PDC: variants seen among roughly 807,000 people sequenced by gnomAD.
PDC encodes the protein phosducin, also known as 33 kDa phototransducing protein.
PDC carries 19 observed loss-of-function variants against 22.2 expected under a neutral mutation model. The observed-to-expected ratio is 0.86, with a 90% CI of 0.60 to 1.26. The LOEUF is 1.26. Among genes scored for constraint, PDC ranks in the 50% most tolerant of loss-of-function variants. PDC has a pLI of 0.00. For synonymous variants in PDC, 97 were observed against 96.2 expected (o/e 1.01, Z -0.05); for missense variants, 274 against 286.8 (o/e 0.96, Z 0.32).
In PDC at chr1:186,452,364, A is replaced by G. The variant is rs1571724178; in HGVS notation, c.-24-2881T>C. On this transcript the variant is annotated intron_variant, in intron 1 of 3. Coordinates refer to ENST00000391997, the MANE Select transcript of PDC (RefSeq NM_002597.5). ...AGAATTCTTGTGCCTCAGCCTTCCA[A>G]CTAGCTGGGATTACAGGCATGGGCC... 2.6e-5 allele frequency among the ~76,000 whole-genome samples: 4 copies of G among 152,016 alleles called. No individual in the cohort carries two copies. The South Asian group carries it at 8.3e-4, about 31-fold the overall frequency.
At chr1:186,446,023 T>C (rs1662220189) in intron 3 of PDC, among the ~76,000 whole-genome samples, 1 of 152,232 alleles carries the variant, frequency 6.6e-6, no homozygotes, top group African/African-American at 2.4e-5. Flanking sequence ...TTCCAAAGTT[T>C]AACCTTAGCA....
At chr1:186,454,689 C>T (rs1662421373) in intron 1 of PDC, among the ~76,000 whole-genome samples, 1 of 152,100 alleles carries the variant, frequency 6.6e-6, no homozygotes, top group Non-Finnish European at 1.5e-5. Flanking sequence ...TATAGAACTA[C>T]TCTTACATGT....
intron 2 of PDC, 97 bp from the exon 3 acceptor site, chr1:186,446,674 TA>T: frequency 1.5e-6 from 1 of 649,772 alleles, no homozygotes; most frequent in Non-Finnish European, 2.5e-6. Context: ...GGAATAAACT[TA>T]TTGTCTCCTG....
chr1:186,449,549 G>A (rs1662307502), intron 1 of PDC, 66 bp from the exon 2 acceptor site: 2 of 774,952 alleles, frequency 2.6e-6, no homozygotes, highest in African/African-American at 1.7e-5. Flanking sequence ...TATATATAGA[G>A]ATAAATATAT....
At chr1:186,456,324 T>A (rs1186786280) in intron 1 of PDC, among the ~76,000 whole-genome samples, 1 of 152,154 alleles carries the variant, frequency 6.6e-6, no homozygotes, top group Non-Finnish European at 1.5e-5. Flanking sequence ...TAACTGTTAC[T>A]ATCCCTAGCA....
At chr1:186,447,131 TAGAA>T (rs1219438328) in intron 2 of PDC, among the ~76,000 whole-genome samples, 3 of 150,670 alleles carry the variant, frequency 2.0e-5, no homozygotes, top group Non-Finnish European at 2.9e-5. Context: ...TTTGCAAACA[TAGAA>T]AGAATAGGAT....
At chr1:186,445,964 G>C (rs981412995) in intron 3 of PDC, among the ~76,000 whole-genome samples, 1 of 152,104 alleles carries the variant, frequency 6.6e-6, no homozygotes, top group African/African-American at 2.4e-5. Context: ...ATGAAAACTT[G>C]TTTCATTCAC....
Position 186,444,074 on chromosome 1 carries a change from C to T in PDC, c.646G>A (p.Asp216Asn), listed in dbSNP as rs1412641772. 8 of 1,613,548 alleles carry T rather than the reference C, an allele frequency of 5.0e-6. No homozygotes were observed. The highest frequency in any genetic ancestry group is 6.8e-6 in the Non-Finnish European group (8 of 1,179,654). ...EQFAEEFFAGDVESFLNEYGL... is the reference protein window; with the variant it reads ...EQFAEEFFAGNVESFLNEYGL... ...TATTCATTTAGGAAAGACTCCACATCCCCAGCAAAAAATTCTTCAGCAAAC... is the reference window on the plus strand; with the variant it reads ...TATTCATTTAGGAAAGACTCCACATTCCCAGCAAAAAATTCTTCAGCAAAC... The change falls in exon 4 of 4, where the codon GAT becomes AAT. Residue 216 changes from aspartate (D) to asparagine (N), a missense_variant. Transcript: ENST00000391997.
At chr1:186,458,795 T>C (rs1015769588) in intron 1 of PDC, among the ~76,000 whole-genome samples, 1 of 152,202 alleles carries the variant, frequency 6.6e-6, no homozygotes, top group African/African-American at 2.4e-5. Flanking sequence ...AGATGAAGAA[T>C]GGGAGTGTTA....
At chr1:186,448,537 T>G in intron 2 of PDC, 3 of 191,132 alleles carry the variant, frequency 1.6e-5, no homozygotes, top group African/African-American at 2.4e-5. Context: ...AGACAGCAGA[T>G]ATTTCCTTCC....
chr1:186,459,221 T>A (rs564914751), intron 1 of PDC, among the ~76,000 whole-genome samples: 1 of 152,124 alleles, frequency 6.6e-6, no homozygotes, highest in Non-Finnish European at 1.5e-5. Context: ...TTCCTCCTTT[T>A]CAGGCCCTAG....
chr1:186,453,226 C>T (rs559025085), intron 1 of PDC, among the ~76,000 whole-genome samples: 1 of 152,120 alleles, frequency 6.6e-6, no homozygotes, highest in South Asian at 2.1e-4. Flanking sequence ...TTAGTAATTA[C>T]CAAGAAATAA....
In PDC at chr1:186,443,988, A is replaced by G; in HGVS notation, c.732T>C (p.Asp244=). The part of the protein sequence containing the change: ...VLEHTKIEEE[D]VE ...TTGACATAGTGAATCTTCATTCAAC[A>G]TCTTCTTCTTCTATTTTGGTATGCT... The change falls in exon 4 of 4, where the codon GAT becomes GAC. Residue 244 remains aspartate, a synonymous_variant. Transcript: ENST00000391997. The G allele has an allele frequency of 6.2e-7, 1 of 1,601,598 alleles. No individual in the cohort carries two copies. The highest frequency in any genetic ancestry group is 8.5e-7 in the Non-Finnish European group (1 of 1,170,876).
At chr1:186,445,407 TTTAAG>T (rs1402340170) in intron 3 of PDC, among the ~76,000 whole-genome samples, 1 of 152,214 alleles carries the variant, frequency 6.6e-6, no homozygotes, top group East Asian at 1.9e-4. Flanking sequence ...GACACTGAGA[TTTAAG>T]TTAAGTAAAA....
At position 186,444,327 on chromosome 1, in the gene PDC, C is replaced by A. The variant is rs140036725; in HGVS notation, c.393G>T (p.Leu131=). 3.1e-6 allele frequency: 5 copies of A among 1,613,956 alleles called. No homozygotes were observed. The African/African-American group carries it at 6.7e-5, about 22-fold the overall frequency. ...TGTGAACAACAATTGTGGTGATCTT[C>A]AGTTCCTTTTCAATTGTTTCTAGGA... is the stretch of plus-strand genomic sequence containing the variant. The part of the protein sequence containing the change: ...KQFLETIEKE[L]KITTIVVHIY... Residue 131 remains leucine (L), a synonymous_variant, in exon 4 of 4, where the codon CTG becomes CTT. Coordinates refer to ENST00000391997, the MANE Select transcript of PDC (RefSeq NM_002597.5).
intron 1 of PDC, among the ~76,000 whole-genome samples, chr1:186,456,569 G>C (rs1662476729): frequency 6.6e-6 from 1 of 152,144 alleles, no homozygotes. Context: ...ACAAAATGCA[G>C]AAAACATAGA....
At chr1:186,456,023 A>G (rs1308419077) in intron 1 of PDC, among the ~76,000 whole-genome samples, 1 of 129,440 alleles carries the variant, frequency 7.7e-6, no homozygotes, top group African/African-American at 3.0e-5. Context: ...ATATATATAT[A>G]TATGCATGCC....
Position 186,443,768 on chromosome 1 carries a change from G to T in PDC, c.*211C>A, listed in dbSNP as rs1190452803. The T allele has an allele frequency of 1.2e-5, 6 of 505,378 alleles. No homozygotes were observed. Among genetic ancestry groups the T allele is most frequent in the Non-Finnish European group, 2.1e-5 (6 of 286,116 alleles). 31.3% of individuals were successfully genotyped at this position (505,378 alleles called of 1,614,324 possible). On this transcript the variant is annotated 3_prime_UTR_variant, in exon 4 of 4. Transcript: ENST00000391997. ...ATCCTCTTTGTCTACTAATAATGTT[G>T]CTGAAGACAGCTCTGTTTTGTAGTC...
In PDC at chr1:186,449,260, C is replaced by G. The variant is rs564255071; in HGVS notation, c.61+139G>C. On this transcript the variant is annotated intron_variant, in intron 2 of 3. Coordinates refer to ENST00000391997, the MANE Select transcript of PDC (RefSeq NM_002597.5). Reference sequence around the variant, plus strand: ...GATTTCAAAAATTAATTTGCCCGCTCAAATATTTTTTAGATTAGCATAACA... The same window carrying G: ...GATTTCAAAAATTAATTTGCCCGCTGAAATATTTTTTAGATTAGCATAACA... 8 of 438,496 alleles carry G rather than the reference C, an allele frequency of 1.8e-5. 1 individual carries two copies. The highest frequency in any genetic ancestry group is 6.1e-5 in the African/African-American group (3 of 49,188). 27.2% of individuals were successfully genotyped at this position (438,496 alleles called of 1,614,324 possible). A position where few individuals can be genotyped will look rare whatever the true frequency, so the allele number is the denominator to read the frequency against.
Sources: allele counts gnomAD v4.1 joint callset (sites outside exome capture counted in the v4.1 genomes callset), GRCh38; gene constraint gnomAD v4.1.1; transcripts MANE v1.5; gene names NCBI Gene and HGNC (gene_info 2026-07-23, HGNC 2026-07-21).